Variants in GFPT1 observed in about 807,000 individuals in gnomAD.
GFPT1 encodes glutamine--fructose-6-phosphate transaminase 1.
In GFPT1, 40 loss-of-function variants were observed where a neutral mutation model predicts 92.0. The ratio of observed to expected loss-of-function variants is 0.43; its 90% CI spans 0.34 to 0.57. The LOEUF (loss-of-function observed/expected upper bound fraction) is 0.57. Ranked by LOEUF, GFPT1 falls within the 20% of genes least tolerant of loss-of-function variation. The probability of loss-of-function intolerance (pLI) is 0.02; values close to 1 mark genes in which losing one functional copy is unlikely to be tolerated. For synonymous variants in GFPT1, 269 were observed against 280.6 expected (o/e 0.96, Z 0.41); for missense variants, 448 against 869.1 (o/e 0.52, Z 6.09).
At chr2:69,332,647 C>A (rs1040165263) in intron 15 of GFPT1, among the ~76,000 whole-genome samples, 10 of 151,808 alleles carry the variant, frequency 6.6e-5, no homozygotes, top group Non-Finnish European at 1.5e-4. Flanking sequence ...TTTTTTTAAT[C>A]CAATAGTTAT....
intron 19 of GFPT1, among the ~76,000 whole-genome samples, chr2:69,326,700 C>T (rs941475063): frequency 4.6e-5 from 7 of 152,154 alleles, no homozygotes; most frequent in African/African-American, 1.7e-4. Context: ...AGGTGAGTCA[C>T]AATCTTGGAG....
In GFPT1 at chr2:69,356,472, A is replaced by C. The variant is rs557321162; in HGVS notation, c.605+24T>G. On this transcript the variant is annotated intron_variant, in intron 7 of 19. Coordinates refer to ENST00000357308, the MANE Select transcript of GFPT1 (RefSeq NM_001244710.2). The stretch of plus-strand genomic sequence containing the variant: ...TAACTCAAATATGTTGAAATACATT[A>C]GTCATTGTTAGAGTTATATGTACCT... 12 of 1,497,834 alleles carry C rather than the reference A, an allele frequency of 8.0e-6. No homozygotes were observed. In the South Asian group the frequency reaches 1.2e-4, roughly 15 times the overall value. The allele number at this position is 1,497,834 out of a possible 1,614,324, so 92.8% of individuals were successfully genotyped here.
At chr2:69,345,848 T>C (rs1193101791) in intron 12 of GFPT1, 56 bp downstream of exon 12, 2 of 970,586 alleles carry the variant, frequency 2.1e-6, no homozygotes, top group Non-Finnish European at 3.4e-6. Flanking sequence ...AGGTTGTTAA[T>C]GGCACCTCCT....
intron 11 of GFPT1, among the ~76,000 whole-genome samples, chr2:69,346,732 T>C (rs904771975): frequency 6.6e-6 from 1 of 151,978 alleles, no homozygotes; most frequent in Non-Finnish European, 1.5e-5. Flanking sequence ...TGTTATTTCT[T>C]ATTTTTACTT....
At chr2:69,343,541 G>A (rs1273140272) in intron 12 of GFPT1, among the ~76,000 whole-genome samples, 1 of 151,866 alleles carries the variant, frequency 6.6e-6, no homozygotes, top group Non-Finnish European at 1.5e-5. Context: ...CTCCTTAGTA[G>A]CTGGGATTAC....
At chr2:69,344,696 T>C (rs1671041770) in intron 12 of GFPT1, among the ~76,000 whole-genome samples, 1 of 151,852 alleles carries the variant, frequency 6.6e-6, no homozygotes, top group Non-Finnish European at 1.5e-5. Flanking sequence ...CAGGCTGCAG[T>C]GCAGTGGTGG....
In GFPT1 at chr2:69,387,138, G is replaced by T; in HGVS notation, c.-67C>A. 1 of 1,482,078 alleles carries T rather than the reference G, an allele frequency of 6.7e-7. No individual in the cohort carries two copies. Among genetic ancestry groups the T allele is most frequent in the African/African-American group, 1.5e-5 (1 of 68,430 alleles). The allele number at this position is 1,482,078 out of a possible 1,614,324, so 91.8% of individuals were successfully genotyped here. A position where few individuals can be genotyped will look rare whatever the true frequency, so the allele number is the denominator to read the frequency against. On this transcript the variant is annotated 5_prime_UTR_variant, in exon 1 of 20. Transcript: ENST00000357308. ...GGCGGGATCGGGGGTGCACACACGA[G>T]CTTCGGTGGGCAATCTGCGGGCTCG...
intron 13 of GFPT1, among the ~76,000 whole-genome samples, chr2:69,339,800 T>C (rs1014343538): frequency 1.3e-5 from 2 of 152,314 alleles, no homozygotes; most frequent in South Asian, 4.1e-4. Context: ...TGGCATTTTT[T>C]AACAATATTA....
chr2:69,332,313 CTTTTTT>C (rs1257559725), intron 15 of GFPT1, among the ~76,000 whole-genome samples: 1 of 134,410 alleles, frequency 7.4e-6, no homozygotes, highest in Non-Finnish European at 1.6e-5. Context: ...CTTTTCTTTT[CTTTTTT>C]TTTTTTTTTT....
intron 12 of GFPT1, among the ~76,000 whole-genome samples, chr2:69,345,275 G>A (rs761589793): frequency 3.3e-5 from 5 of 152,086 alleles, no homozygotes; most frequent in African/African-American, 4.8e-5. Flanking sequence ...GAGTAGTGTT[G>A]TACTCTCACC....
intron 13 of GFPT1, 147 bp from the exon 14 acceptor site, chr2:69,338,712 A>T (rs116730412): frequency 0.57 from 393,021 of 689,830 alleles, 110,457 homozygotes; most frequent in African/African-American, 0.67. Context: ...AAAATATTTA[A>T]AAAAAAAAAA....
At position 69,354,316 on chromosome 2, in the gene GFPT1, A is replaced by G. The variant is rs1294355146; in HGVS notation, c.686-4T>C. On this transcript the variant is annotated splice_polypyrimidine_tract_variant and splice_region_variant and intron_variant, in intron 8 of 19. Transcript: ENST00000357308. ...TTTGATCCAATCTGAGTCCTAGCTA[A>G]GGATACACAACAGAAAAAAATTCTA... 6.3e-7 allele frequency: 1 copy of G among 1,588,544 alleles called. No individual in the cohort carries two copies. Among genetic ancestry groups the G allele is most frequent in the Non-Finnish European group, 8.5e-7 (1 of 1,172,660 alleles).
intron 15 of GFPT1, among the ~76,000 whole-genome samples, chr2:69,331,382 A>G (rs1037293565): frequency 2.6e-5 from 4 of 152,320 alleles, no homozygotes; most frequent in Middle Eastern, 6.8e-3. Context: ...AAAACAAAAA[A>G]ATTAGACAAA....
chr2:69,382,011 G>A (rs753209810), intron 1 of GFPT1, among the ~76,000 whole-genome samples: 8 of 151,768 alleles, frequency 5.3e-5, no homozygotes, highest in South Asian at 2.1e-4. Context: ...TTACAGGTGC[G>A]TACCACAACA....
At chr2:69,362,974 AG>A (rs1671512297) in intron 4 of GFPT1, among the ~76,000 whole-genome samples, 1 of 152,058 alleles carries the variant, frequency 6.6e-6, no homozygotes, top group Non-Finnish European at 1.5e-5. Flanking sequence ...AGCCAGGAGC[AG>A]TGGTTCATGC....
intron 10 of GFPT1, among the ~76,000 whole-genome samples, chr2:69,349,128 G>A (rs905722891): frequency 1.3e-5 from 2 of 152,160 alleles, no homozygotes; most frequent in Admixed American, 1.3e-4. Context: ...TGCAGCTCTT[G>A]TCACAGCTGG....
At chr2:69,356,862 C>T (rs1474881750) in intron 6 of GFPT1, among the ~76,000 whole-genome samples, 1 of 151,994 alleles carries the variant, frequency 6.6e-6, no homozygotes, top group Admixed American at 6.6e-5. Context: ...CTCAGCCTCC[C>T]GAGTAGCTGG....
chr2:69,358,153 T>TG lies in GFPT1; in HGVS notation c.543+175dup, dbSNP rs529923654. Among the ~76,000 whole-genome samples the TG allele has an allele frequency of 7.2e-3, 1,091 of 151,640 alleles. 6 individuals carry two copies. The highest frequency in any genetic ancestry group is 0.027 in the Middle Eastern group (8 of 294). Reference sequence around the variant, plus strand: ...AGTAAGTAGAATTTTAAATGGAGGGTGGGGGGGAATCAATAAATCAATCAG... The same window carrying TG: ...AGTAAGTAGAATTTTAAATGGAGGGTGGGGGGGGAATCAATAAATCAATCAG... On this transcript the variant is annotated intron_variant, in intron 6 of 19. Coordinates refer to ENST00000357308, the MANE Select transcript of GFPT1 (RefSeq NM_001244710.2).
chr2:69,333,744 T>C (rs1362348798), intron 15 of GFPT1, among the ~76,000 whole-genome samples: 1 of 152,230 alleles, frequency 6.6e-6, no homozygotes, highest in Non-Finnish European at 1.5e-5. Flanking sequence ...TCTGATACTA[T>C]GAGAAACTCA....
Sources: gnomAD v4.1 joint callset for allele counts (sites outside exome capture counted in the v4.1 genomes callset) on GRCh38, gnomAD v4.1.1 for gene constraint, MANE v1.5 for transcripts, NCBI Gene and HGNC (gene_info 2026-07-23, HGNC 2026-07-21) for gene names.